The following ADGRL3 variants were observed in gnomAD, a reference collection of about 807,000 sequenced individuals.
ADGRL3 encodes the protein adhesion G protein-coupled receptor L3, also known as calcium-independent alpha-latrotoxin receptor 3.
ADGRL3 carries 62 observed loss-of-function variants against 153.5 expected under a neutral mutation model. That is an observed-to-expected ratio of 0.40 (90% CI 0.33 to 0.50). The LOEUF (loss-of-function observed/expected upper bound fraction) is 0.50. Among genes scored for constraint, ADGRL3 ranks in the 20% least tolerant of loss-of-function variants. The pLI is 0.47. For missense variants in ADGRL3, 1,641 were observed against 1,859.4 expected, an observed-to-expected ratio of 0.88 and a Z score of 2.16; for synonymous variants, 710 against 672.5, an observed-to-expected ratio of 1.06 and a Z score of -0.86.
chr4:61,390,837 G>A (rs893746886), intron 2 of ADGRL3, among the ~76,000 whole-genome samples: 2 of 152,060 alleles, frequency 1.3e-5, no homozygotes. Flanking sequence ...CTCTGCCTCT[G>A]CCCCTAACTC....
At chr4:61,610,926 T>C (rs918560663) in intron 5 of ADGRL3, among the ~76,000 whole-genome samples, 1 of 152,174 alleles carries the variant, frequency 6.6e-6, no homozygotes, top group African/African-American at 2.4e-5. Flanking sequence ...CAACTACTTA[T>C]CAAGATCTTT....
chr4:61,549,695 G>A (rs978141366), intron 4 of ADGRL3, among the ~76,000 whole-genome samples: 5 of 151,724 alleles, frequency 3.3e-5, no homozygotes, highest in African/African-American at 4.8e-5. Flanking sequence ...GTAAGATTCA[G>A]GTCCCAGTAT....
At chr4:61,515,994 G>A (rs902129111) in intron 3 of ADGRL3, among the ~76,000 whole-genome samples, 8 of 152,036 alleles carry the variant, frequency 5.3e-5, no homozygotes, top group African/African-American at 1.9e-4. Flanking sequence ...ATGGCATTCA[G>A]ATTACCTTTG....
intron 1 of ADGRL3, among the ~76,000 whole-genome samples, chr4:61,366,012 T>A (rs1431081983): frequency 6.6e-6 from 1 of 152,162 alleles, no homozygotes; most frequent in Non-Finnish European, 1.5e-5. Context: ...TGAACTAGAG[T>A]TTACAACTTA....
intron 9 of ADGRL3, among the ~76,000 whole-genome samples, chr4:61,823,443 C>G (rs559581847): frequency 6.6e-6 from 1 of 152,218 alleles, no homozygotes; most frequent in Non-Finnish European, 1.5e-5. Flanking sequence ...GCTAATCATA[C>G]TATTCTTTAG....
intron 4 of ADGRL3, among the ~76,000 whole-genome samples, chr4:61,532,528 GCA>G (rs1392417046): frequency 2.8e-5 from 3 of 105,790 alleles, no homozygotes; most frequent in African/African-American, 1.1e-4. Context: ...GCAGGATGCT[GCA>G]TGCGCGCGCG....
chr4:61,979,499 C>T (rs2099060012), intron 17 of ADGRL3, 64 bp from the exon 18 acceptor site: 9 of 1,327,492 alleles, frequency 6.8e-6, no homozygotes, highest in South Asian at 1.2e-5. Context: ...CATCCAGGCC[C>T]TTATAAAACT....
intron 15 of ADGRL3, among the ~76,000 whole-genome samples, chr4:61,936,706 TATAA>T (rs2098840023): frequency 6.6e-6 from 1 of 151,804 alleles, no homozygotes; most frequent in African/African-American, 2.4e-5. Context: ...TGTATATATA[TATAA>T]ATATGTATAT....
intron 1 of ADGRL3, among the ~76,000 whole-genome samples, chr4:61,228,125 T>C (rs1577914420): frequency 6.6e-6 from 1 of 152,208 alleles, no homozygotes; most frequent in East Asian, 1.9e-4. Context: ...TTTTTTAAAA[T>C]GTGAAGTAAT....
intron 1 of ADGRL3, among the ~76,000 whole-genome samples, chr4:61,345,568 A>G (rs112801798): frequency 6.6e-6 from 1 of 152,210 alleles, no homozygotes; most frequent in Admixed American, 6.5e-5. Flanking sequence ...TGCATGGGCA[A>G]GAATAAAAAC....
At chr4:61,295,622 A>G (rs1310773977) in intron 1 of ADGRL3, among the ~76,000 whole-genome samples, 1 of 152,058 alleles carries the variant, frequency 6.6e-6, no homozygotes, top group Non-Finnish European at 1.5e-5. Context: ...AATCTCCTAT[A>G]AAACAATTGA....
chr4:61,761,645 T>G (rs765546097), intron 8 of ADGRL3, among the ~76,000 whole-genome samples: 6 of 152,070 alleles, frequency 3.9e-5, no homozygotes, highest in Non-Finnish European at 8.8e-5. Context: ...AATTTTAAAA[T>G]TTAGCCAGGC....
At chr4:61,396,349 T>C (rs77467118) in intron 2 of ADGRL3, among the ~76,000 whole-genome samples, 3,795 of 152,046 alleles carry the variant, frequency 0.025, 66 homozygotes, top group South Asian at 0.086. Context: ...ATAAAGTTTT[T>C]AATTTTAAAA....
intron 8 of ADGRL3, among the ~76,000 whole-genome samples, chr4:61,784,116 C>G (rs1321836046): frequency 6.6e-6 from 1 of 152,058 alleles, no homozygotes; most frequent in East Asian, 1.9e-4. Context: ...CCCTCTCTTG[C>G]TCAATATTTT....
At chr4:61,988,439 T>C (rs1009466013) in intron 19 of ADGRL3, among the ~76,000 whole-genome samples, 2 of 152,138 alleles carry the variant, frequency 1.3e-5, no homozygotes, top group African/African-American at 4.8e-5. Context: ...TCTCATACTG[T>C]TATTCATATG....
intron 5 of ADGRL3, among the ~76,000 whole-genome samples, chr4:61,625,777 T>A (rs11131337): frequency 6.6e-6 from 1 of 151,910 alleles, no homozygotes; most frequent in Non-Finnish European, 1.5e-5. Context: ...CAGAGACAAC[T>A]AAGCTTCTTA....
chr4:61,667,009 G>A (rs1404623565), intron 5 of ADGRL3, among the ~76,000 whole-genome samples: 1 of 152,110 alleles, frequency 6.6e-6, no homozygotes, highest in Non-Finnish European at 1.5e-5. Context: ...TCCAAGCAAT[G>A]TATGTGAACT....
intron 6 of ADGRL3, among the ~76,000 whole-genome samples, chr4:61,681,770 T>G (rs568246534): frequency 6.6e-6 from 1 of 152,088 alleles, no homozygotes; most frequent in Non-Finnish European, 1.5e-5. Flanking sequence ...TCCAAATGAG[T>G]GCATATTTAA....
At chr4:61,887,275 A>G (rs2098544812) in intron 9 of ADGRL3, among the ~76,000 whole-genome samples, 1 of 152,136 alleles carries the variant, frequency 6.6e-6, no homozygotes, top group Non-Finnish European at 1.5e-5. Flanking sequence ...ATGCTTTACT[A>G]GATTCTTTTT....
Sources: allele counts gnomAD v4.1 joint callset (sites outside exome capture counted in the v4.1 genomes callset), GRCh38; gene constraint gnomAD v4.1.1; transcripts MANE v1.5; gene names NCBI Gene and HGNC (gene_info 2026-07-23, HGNC 2026-07-21).